The following CDH7 variants were observed in gnomAD, a reference collection of about 807,000 sequenced individuals.
CDH7 encodes cadherin-7.
CDH7 carries 25 observed loss-of-function variants against 71.8 expected under a neutral mutation model. The ratio of observed to expected loss-of-function variants is 0.35; its 90% CI spans 0.25 to 0.49. CDH7 has a LOEUF of 0.49. CDH7 is among the 20% of genes least tolerant of loss of function. CDH7 has a pLI of 0.99. For missense variants in CDH7, 862 were observed against 974.6 expected (o/e 0.88, Z 1.54); for synonymous variants, 381 against 363.8 (o/e 1.05, Z -0.54).
intron 11 of CDH7, among the ~76,000 whole-genome samples, chr18:65,875,483 T>A (rs576586619): frequency 5.3e-5 from 8 of 151,816 alleles, no homozygotes; most frequent in African/African-American, 1.9e-4. Flanking sequence ...ATTTGTAGTA[T>A]GGTGTGTGTT....
intron 10 of CDH7, among the ~76,000 whole-genome samples, chr18:65,860,998 G>T (rs1913544065): frequency 6.6e-6 from 1 of 152,098 alleles, no homozygotes; most frequent in Admixed American, 6.6e-5. Context: ...TCAGCATTTA[G>T]GTTCATCTGG....
intron 5 of CDH7, among the ~76,000 whole-genome samples, chr18:65,823,375 A>G (rs1011784028): frequency 1.3e-5 from 2 of 151,918 alleles, no homozygotes; most frequent in East Asian, 1.9e-4. Context: ...TTGGGCTTAT[A>G]ATGAAATGAA....
intron 2 of CDH7, among the ~76,000 whole-genome samples, chr18:65,765,243 A>G (rs1420727189): frequency 6.6e-6 from 1 of 152,052 alleles, no homozygotes; most frequent in Non-Finnish European, 1.5e-5. Context: ...GAATTTGTAC[A>G]CAAGAGAGAC....
intron 4 of CDH7, among the ~76,000 whole-genome samples, chr18:65,819,741 C>T (rs8092551): frequency 0.88 from 132,552 of 151,458 alleles, 59,263 homozygotes; most frequent in East Asian, 0.99. Context: ...TTGAGATTCC[C>T]CTTGGAATGG....
At chr18:65,819,365 A>G (rs1911836366) in intron 4 of CDH7, among the ~76,000 whole-genome samples, 3 of 152,158 alleles carry the variant, frequency 2.0e-5, no homozygotes, top group Admixed American at 2.0e-4. Context: ...ACTGCTCCAC[A>G]AAGAGCGGTA....
At chr18:65,766,114 A>G (rs546451375) in intron 2 of CDH7, among the ~76,000 whole-genome samples, 49 of 152,252 alleles carry the variant, frequency 3.2e-4, no homozygotes, top group African/African-American at 1.1e-3. Context: ...CCAGTTAATT[A>G]TAGGAATGTC....
At chr18:65,864,822 C>A (rs190652703) in intron 11 of CDH7, among the ~76,000 whole-genome samples, 2,290 of 139,586 alleles carry the variant, frequency 0.016, 54 homozygotes, top group African/African-American at 0.053. Flanking sequence ...ACCCAGGAGG[C>A]GGAGCTGGCA....
chr18:65,821,117 TAACA>T (rs1203288990), intron 4 of CDH7, among the ~76,000 whole-genome samples: 5 of 38,508 alleles, frequency 1.3e-4, no homozygotes, highest in African/African-American at 2.6e-4. Flanking sequence ...CAGCAAAAAA[TAACA>T]AACAAACAAA....
chr18:65,829,113 T>TTTTTG lies in CDH7; in HGVS notation c.981+4303_981+4307dup, dbSNP rs572108154. ...TAAACCTAAGCAGTATGGTCTGTCA[T>TTTTTG]TTTTGTTTTGTTTTGTTTTGTTTTG... On this transcript the variant is annotated intron_variant, in intron 6 of 11. Coordinates refer to ENST00000397968, the MANE Select transcript of CDH7 (RefSeq NM_004361.5). 1.0e-3 allele frequency among the ~76,000 whole-genome samples: 143 copies of TTTTTG among 141,018 alleles called. 1 individual carries two copies. The highest frequency in any genetic ancestry group is 3.6e-3 in the African/African-American group (137 of 38,174). 92.5% of individuals were successfully genotyped at this position (141,018 alleles called of 152,430 possible). A position where few individuals can be genotyped will look rare whatever the true frequency, so the allele number is the denominator to read the frequency against.
rs71167145 is a variant in CDH7, at chr18:65,763,594, GGTGT to G, written c.210+577_210+580del. On this transcript the variant is annotated intron_variant, in intron 2 of 11. Coordinates refer to ENST00000397968, the MANE Select transcript of CDH7 (RefSeq NM_004361.5). ...CTTAGCAGTCTTGTTTTGATAGGGG[GGTGT>G]GTGTGTGTGTGTGTGTGTGTGTGTG... 8.3e-3 allele frequency among the ~76,000 whole-genome samples: 823 copies of G among 99,184 alleles called. 8 individuals are homozygous for G. Among genetic ancestry groups the G allele is most frequent in the East Asian group, 0.031 (111 of 3,606 alleles). 65.1% of individuals were successfully genotyped at this position (99,184 alleles called of 152,430 possible).
At chr18:65,836,021 A>C (rs1004364222) in intron 6 of CDH7, among the ~76,000 whole-genome samples, 1 of 152,148 alleles carries the variant, frequency 6.6e-6, no homozygotes, top group Non-Finnish European at 1.5e-5. Context: ...AACGGAACCC[A>C]AGCTTGGAGT....
intron 2 of CDH7, among the ~76,000 whole-genome samples, chr18:65,779,079 T>C (rs1296258530): frequency 1.4e-5 from 2 of 140,020 alleles, no homozygotes; most frequent in Non-Finnish European, 3.0e-5. Flanking sequence ...TGTTTGTTTG[T>C]TTGTTTTTTT....
chr18:65,854,962 CACAT>C (rs1913299933), intron 7 of CDH7, among the ~76,000 whole-genome samples: 1 of 145,488 alleles, frequency 6.9e-6, no homozygotes, highest in African/African-American at 2.5e-5. Context: ...CACACACACA[CACAT>C]AGATACACAC....
chr18:65,854,653 T>C (rs1426234931), intron 7 of CDH7, among the ~76,000 whole-genome samples: 2 of 152,170 alleles, frequency 1.3e-5, no homozygotes, highest in African/African-American at 2.4e-5. Flanking sequence ...TTTTAGCTTT[T>C]AAGAATCTAG....
At chr18:65,833,188 A>AT (rs1330213696) in intron 6 of CDH7, among the ~76,000 whole-genome samples, 35 of 152,192 alleles carry the variant, frequency 2.3e-4, no homozygotes, top group African/African-American at 7.7e-4. Context: ...CCTAAGTTAG[A>AT]TAGCACAGTG....
At chr18:65,786,352 C>T (rs1016201497) in intron 2 of CDH7, among the ~76,000 whole-genome samples, 4 of 151,840 alleles carry the variant, frequency 2.6e-5, no homozygotes, top group Non-Finnish European at 5.9e-5. Flanking sequence ...CTTCAAATAA[C>T]ATAAAAATTT....
intron 1 of CDH7, among the ~76,000 whole-genome samples, chr18:65,757,631 A>G (rs1378589325): frequency 6.6e-6 from 1 of 152,048 alleles, no homozygotes; most frequent in Non-Finnish European, 1.5e-5. Context: ...TTATCCAGTA[A>G]CCATCACTAC....
chr18:65,859,254 A>G (rs1913475135), intron 9 of CDH7, among the ~76,000 whole-genome samples: 1 of 152,220 alleles, frequency 6.6e-6, no homozygotes, highest in African/African-American at 2.4e-5. Flanking sequence ...CTCAGGAAGG[A>G]AAGGTAAACA....
intron 2 of CDH7, among the ~76,000 whole-genome samples, chr18:65,781,507 G>C (rs1265553103): frequency 6.6e-6 from 1 of 152,030 alleles, no homozygotes; most frequent in Non-Finnish European, 1.5e-5. Context: ...CTTGAATGTG[G>C]CTTTTTTGGT....
Sources: gnomAD v4.1 joint callset for allele counts (sites outside exome capture counted in the v4.1 genomes callset) on GRCh38, gnomAD v4.1.1 for gene constraint, MANE v1.5 for transcripts, NCBI Gene and HGNC (gene_info 2026-07-23, HGNC 2026-07-21) for gene names.